KATNIP: variants seen among roughly 807,000 people sequenced by gnomAD.
KATNIP encodes katanin-interacting protein.
A neutral mutation model predicts 174.0 loss-of-function variants in KATNIP; 126 were observed. The observed-to-expected ratio is 0.72, with a 90% CI of 0.63 to 0.84. The LOEUF is 0.84. KATNIP is among the 40% of genes least tolerant of loss of function. KATNIP has a pLI of 0.00. For synonymous variants in KATNIP, 810 were observed against 835.7 expected, an observed-to-expected ratio of 0.97 and a Z score of 0.53; for missense variants, 1,958 against 2,109.7, an observed-to-expected ratio of 0.93 and a Z score of 1.41.
chr16:27,553,014 T>G lies in KATNIP; in HGVS notation c.7+2837T>G, dbSNP rs114578122. 7.0e-3 allele frequency among the ~76,000 whole-genome samples: 1,061 copies of G among 152,322 alleles called. 15 individuals carry two copies. The highest frequency in any genetic ancestry group is 0.024 in the African/African-American group (1,007 of 41,568). ...AGGCCACAAGTGGCAGTTTCTTAAATGTTAGTCACAGTGTGTCATCTGAAG... is the reference window on the plus strand; with the variant it reads ...AGGCCACAAGTGGCAGTTTCTTAAAGGTTAGTCACAGTGTGTCATCTGAAG... On this transcript the variant is annotated intron_variant, in intron 1 of 27. Coordinates refer to ENST00000261588, the MANE Select transcript of KATNIP (RefSeq NM_015202.5).
rs753743766 is a variant in KATNIP at position 27,717,006 on chromosome 16, G to A, written c.1606-4552G>A. Among the ~76,000 whole-genome samples the A allele has an allele frequency of 6.1e-4, 93 of 151,980 alleles. 1 individual carries two copies. The highest frequency in any genetic ancestry group is 1.2e-3 in the Non-Finnish European group (81 of 67,984). On this transcript the variant is annotated intron_variant, in intron 13 of 27. Transcript: ENST00000261588. ...ACTACGGGCGGCGCCACCACACCCG[G>A]CTAATTTTTGTATTTTTAGTAGAGA... is the stretch of plus-strand genomic sequence containing the variant.
chr16:27,624,440 C>T (rs1020332371), intron 3 of KATNIP, among the ~76,000 whole-genome samples: 3 of 152,172 alleles, frequency 2.0e-5, no homozygotes, highest in Non-Finnish European at 4.4e-5. Context: ...GTGTGCATCA[C>T]GTGAATAGTA....
intron 22 of KATNIP, among the ~76,000 whole-genome samples, chr16:27,772,617 T>A (rs182786263): frequency 7.5e-4 from 114 of 152,362 alleles, no homozygotes; most frequent in Admixed American, 2.4e-3. Flanking sequence ...TGTCCCCTTC[T>A]TAGCCTCCTG....
At chr16:27,767,458 G>A (rs574793848) in intron 20 of KATNIP, among the ~76,000 whole-genome samples, 3 of 152,294 alleles carry the variant, frequency 2.0e-5, no homozygotes, top group Non-Finnish European at 2.9e-5. Flanking sequence ...AGAGGCTCAC[G>A]CCTGTAATCC....
chr16:27,717,084 C>T (rs974814021), intron 13 of KATNIP, among the ~76,000 whole-genome samples: 3 of 152,044 alleles, frequency 2.0e-5, no homozygotes, highest in Admixed American at 6.5e-5. Flanking sequence ...CCTCGTGATC[C>T]GCCCACCTCA....
At chr16:27,613,612 T>C (rs1228128878) in intron 2 of KATNIP, among the ~76,000 whole-genome samples, 1 of 152,248 alleles carries the variant, frequency 6.6e-6, no homozygotes, top group Admixed American at 6.5e-5. Context: ...GGAAGATGCA[T>C]GGGAGGGTTT....
At chr16:27,692,062 G>A (rs1464405886) in intron 8 of KATNIP, among the ~76,000 whole-genome samples, 1 of 152,180 alleles carries the variant, frequency 6.6e-6, no homozygotes, top group Admixed American at 6.5e-5. Flanking sequence ...AAAGATAAGG[G>A]TCACCACATG....
chr16:27,714,383 G>A (rs1433512107), intron 13 of KATNIP, among the ~76,000 whole-genome samples: 1 of 152,058 alleles, frequency 6.6e-6, no homozygotes, highest in African/African-American at 2.4e-5. Flanking sequence ...TTTTTAAACA[G>A]AAACATAGCT....
At chr16:27,628,938 C>CG (rs1370027415) in intron 4 of KATNIP, 108 bp downstream of exon 4, 4 of 1,154,780 alleles carry the variant, frequency 3.5e-6, no homozygotes, top group Non-Finnish European at 4.9e-6. Flanking sequence ...GAGGCTGAGG[C>CG]GGGTGGATCA....
intron 6 of KATNIP, among the ~76,000 whole-genome samples, chr16:27,658,291 A>G (rs8051445): frequency 0.024 from 3,595 of 152,290 alleles, 152 homozygotes; most frequent in African/African-American, 0.081. Flanking sequence ...CGCTTAGGAT[A>G]TTTGTTTAAG....
At chr16:27,594,643 G>A (rs2075283039) in intron 2 of KATNIP, among the ~76,000 whole-genome samples, 1 of 152,044 alleles carries the variant, frequency 6.6e-6, no homozygotes, top group Admixed American at 6.6e-5. Context: ...TGTAGAGACA[G>A]GGTCTTACTG....
chr16:27,619,577 A>G (rs546673154), intron 3 of KATNIP, among the ~76,000 whole-genome samples: 1 of 152,254 alleles, frequency 6.6e-6, no homozygotes, highest in South Asian at 2.1e-4. Context: ...TGTTATCAAC[A>G]GGGGCCTTGG....
rs1478122324 is a variant in KATNIP, at chr16:27,779,701, T to C, written c.*1072T>C. ...TTCCCAGCGAGTTGGAAATGTGCCTTGCACCCCCAGCCGAGTGAAGCCCAG... is the reference window on the plus strand; with the variant it reads ...TTCCCAGCGAGTTGGAAATGTGCCTCGCACCCCCAGCCGAGTGAAGCCCAG... On this transcript the variant is annotated 3_prime_UTR_variant, in exon 28 of 28. Transcript: ENST00000261588. The C allele has an allele frequency of 6.6e-6, 1 of 152,008 alleles. No homozygotes were observed. Among genetic ancestry groups the C allele is most frequent in the Non-Finnish European group, 1.5e-5 (1 of 68,032 alleles). 9.4% of individuals were successfully genotyped at this position (152,008 alleles called of 1,614,324 possible).
At chr16:27,767,180 A>C (rs907946486) in intron 20 of KATNIP, among the ~76,000 whole-genome samples, 1 of 152,132 alleles carries the variant, frequency 6.6e-6, no homozygotes, top group African/African-American at 2.4e-5. Context: ...GGGCCCTACT[A>C]TCAGGAGGGC....
At position 27,698,504 on chromosome 16, in the gene KATNIP, C is replaced by T. The variant is rs12920169; in HGVS notation, c.1113+4C>T. 237,719 of 1,601,074 alleles carry T rather than the reference C, an allele frequency of 0.15. 19,437 individuals carry two copies. Among genetic ancestry groups the T allele is most frequent in the African/African-American group, 0.28 (20,981 of 74,720 alleles). ...GCAGCCAGCCAGCCCACTGCAGGTGCGCTCCGGGCTGGGAGAGGAACCGGG... is the reference window on the plus strand; with the variant it reads ...GCAGCCAGCCAGCCCACTGCAGGTGTGCTCCGGGCTGGGAGAGGAACCGGG... On this transcript the variant is annotated splice_donor_region_variant and intron_variant, in intron 9 of 27. Transcript: ENST00000261588.
chr16:27,764,355 A>G (rs980952335), intron 19 of KATNIP, among the ~76,000 whole-genome samples: 5 of 152,232 alleles, frequency 3.3e-5, no homozygotes, highest in Admixed American at 6.5e-5. Context: ...TGAAGAGTCA[A>G]TTCTTTGCAG....
At chr16:27,672,665 G>A (rs2077964222) in intron 6 of KATNIP, among the ~76,000 whole-genome samples, 1 of 152,220 alleles carries the variant, frequency 6.6e-6, no homozygotes, top group East Asian at 1.9e-4. Context: ...TCTAGAAGGA[G>A]CAAGGAGGAG....
intron 2 of KATNIP, among the ~76,000 whole-genome samples, chr16:27,617,042 G>T (rs1263126433): frequency 6.6e-6 from 1 of 151,716 alleles, no homozygotes; most frequent in African/African-American, 2.4e-5. Context: ...AGTTTTACTG[G>T]TACATGCATA....
intron 24 of KATNIP, 48 bp downstream of exon 24, chr16:27,775,132 AG>A: frequency 6.3e-7 from 1 of 1,583,636 alleles, no homozygotes; most frequent in Non-Finnish European, 8.5e-7. Flanking sequence ...TCAGGCGGGC[AG>A]GGGGACTTTC....
Sources: gnomAD v4.1 joint callset for allele counts (sites outside exome capture counted in the v4.1 genomes callset) on GRCh38, gnomAD v4.1.1 for gene constraint, MANE v1.5 for transcripts, NCBI Gene and HGNC (gene_info 2026-07-23, HGNC 2026-07-21) for gene names.